The following NUDC variants were observed in gnomAD, a reference collection of about 807,000 sequenced individuals.
NUDC encodes nuclear distribution C, dynein complex regulator, also known as nuclear migration protein nudC.
A neutral mutation model predicts 45.0 loss-of-function variants in NUDC; 14 were observed. The ratio of observed to expected loss-of-function variants is 0.31; its 90% confidence interval spans 0.21 to 0.49. The LOEUF (loss-of-function observed/expected upper bound fraction) is 0.49, where lower values mean the gene tolerates loss of function less well. NUDC is among the 20% of genes least tolerant of loss of function. The probability of loss-of-function intolerance (pLI) is 0.99; values close to 1 mark genes in which losing one functional copy is unlikely to be tolerated. For synonymous variants in NUDC, 153 were observed against 156.7 expected, an observed-to-expected ratio of 0.98 and a Z score of 0.17; for missense variants, 323 against 426.2, an observed-to-expected ratio of 0.76 and a Z score of 2.13.
At chr1:26,927,154 G>T (rs1336662854) in intron 2 of NUDC, among the ~76,000 whole-genome samples, 1 of 150,754 alleles carries the variant, frequency 6.6e-6, no homozygotes, top group East Asian at 1.9e-4. Context: ...AGATATGAAG[G>T]ATGAATAGCT....
At chr1:26,900,312 A>T in exon 1 of NUDC, 1 of 1,614,010 alleles carries the variant, frequency 6.2e-7, no homozygotes, top group Non-Finnish European at 8.5e-7. Context: ...GAAACAGAGG[A>T]AGCCACCGCC....
chr1:26,900,248 G>C, exon 1 of NUDC: 4 of 1,614,140 alleles, frequency 2.5e-6, no homozygotes, highest in Non-Finnish European at 3.4e-6. Flanking sequence ...TAGGAATTAG[G>C]GCAGAGTTAG....
chr1:26,933,396 A>G (rs1431191630), intron 2 of NUDC, among the ~76,000 whole-genome samples: 1 of 151,964 alleles, frequency 6.6e-6, no homozygotes, highest in Non-Finnish European at 1.5e-5. Context: ...CTATTGGATC[A>G]TATGGTAGTT....
intron 2 of NUDC, among the ~76,000 whole-genome samples, chr1:26,932,538 G>A (rs918290829): frequency 1.4e-4 from 21 of 151,930 alleles, no homozygotes; most frequent in African/African-American, 5.1e-4. Flanking sequence ...TCCCAGGCTG[G>A]TCTCTAACTC....
chr1:26,924,917 G>C (rs1262748455), intron 2 of NUDC, among the ~76,000 whole-genome samples: 7 of 151,400 alleles, frequency 4.6e-5, no homozygotes, highest in Admixed American at 3.9e-4. Context: ...GTCTCATTCT[G>C]TTGCGCAGGC....
At chr1:26,910,269 C>T (rs1362609601) in intron 2 of NUDC, among the ~76,000 whole-genome samples, 1 of 152,082 alleles carries the variant, frequency 6.6e-6, no homozygotes, top group Non-Finnish European at 1.5e-5. Flanking sequence ...TTTTATGCGT[C>T]TGTGTAGGTG....
chr1:26,945,469 C>G lies in NUDC; in HGVS notation c.821C>G (p.Ser274Cys). Reference sequence around the variant, plus strand: ...ACCAAGAAGATTAACCCTGAGAATTCCAAGGTGAGCCCTGGCTGGTTGGGG... The same window carrying G: ...ACCAAGAAGATTAACCCTGAGAATTGCAAGGTGAGCCCTGGCTGGTTGGGG... ...INTKKINPEN[S>C]KLSDLDSETR... The change falls in exon 7 of 9, where the codon TCC (serine) becomes TGC (cysteine). Residue 274 changes from serine (S) to cysteine (C), a missense_variant. Physicochemically the swap from Ser to Cys is moderately radical, Grantham distance 112 (BLOSUM62 -1). This residue lies in a region of NUDC where 54 missense variants were observed against 100.2 expected (regional missense o/e 0.54). Transcript: ENST00000321265. 6.2e-7 allele frequency: 1 copy of G among 1,614,044 alleles called. No homozygotes were observed. The highest frequency in any genetic ancestry group is 2.2e-5 in the East Asian group (1 of 44,874).
intron 2 of NUDC, among the ~76,000 whole-genome samples, chr1:26,936,687 T>A (rs1215071950): frequency 6.6e-6 from 1 of 152,262 alleles, no homozygotes; most frequent in East Asian, 1.9e-4. Flanking sequence ...AAGAGACCTC[T>A]TTTTTCCTTG....
chr1:26,914,396 G>T (rs1421838334), intron 3 of NUDC, among the ~76,000 whole-genome samples: 1 of 152,192 alleles, frequency 6.6e-6, no homozygotes, highest in African/African-American at 2.4e-5. Context: ...GGCCTTGAAT[G>T]CAAGGCCCAA....
intron 6 of NUDC, among the ~76,000 whole-genome samples, chr1:26,944,473 C>T (rs929830790): frequency 1.3e-5 from 2 of 152,074 alleles, no homozygotes; most frequent in African/African-American, 4.8e-5. Context: ...GTTGGGATTA[C>T]AGGTAGGAGC....
intron 2 of NUDC, 99 bp from the exon 3 acceptor site, chr1:26,941,358 T>G (rs907794712): frequency 1.1e-4 from 137 of 1,258,218 alleles, no homozygotes; most frequent in Middle Eastern, 7.6e-4. Flanking sequence ...GGTGCAGTGC[T>G]TTGCCCTTGC....
At chr1:26,900,892 C>G (rs541437265) in intron 1 of NUDC, among the ~76,000 whole-genome samples, 10 of 152,226 alleles carry the variant, frequency 6.6e-5, no homozygotes, top group African/African-American at 1.9e-4. Context: ...AGAGGAAACA[C>G]GCAGGTCCAA....
At chr1:26,941,351 G>A (rs981999831) in intron 2 of NUDC, 106 bp from the exon 3 acceptor site, 4 of 1,119,500 alleles carry the variant, frequency 3.6e-6, no homozygotes, top group South Asian at 1.3e-5. Context: ...GTTTCTGGGT[G>A]CAGTGCTTTG....
At chr1:26,900,599 C>A in intron 1 of NUDC, 1 of 649,182 alleles carries the variant, frequency 1.5e-6, no homozygotes, top group Non-Finnish European at 2.6e-6. Flanking sequence ...TTCTGTGTTC[C>A]TTTCCCACAG....
intron 3 of NUDC, among the ~76,000 whole-genome samples, chr1:26,912,305 G>C (rs2082032950): frequency 6.6e-6 from 1 of 152,098 alleles, no homozygotes; most frequent in Admixed American, 6.6e-5. Context: ...TGGAGTAATG[G>C]TTAAGAATTA....
At chr1:26,910,207 C>G (rs2124062802) in intron 2 of NUDC, among the ~76,000 whole-genome samples, 1 of 152,238 alleles carries the variant, frequency 6.6e-6, no homozygotes, top group Admixed American at 6.5e-5. Context: ...TGCTGAGTGA[C>G]TGTATCTGGG....
rs772114445 is a variant in NUDC at position 26,941,085 on chromosome 1, C to CTT, written c.160-348_160-347dup. On this transcript the variant is annotated intron_variant, in intron 2 of 8. Coordinates refer to ENST00000321265, the MANE Select transcript of NUDC (RefSeq NM_006600.4). Reference sequence around the variant, plus strand: ...TACAGGCCCCCGCCACCATGCCCAGCTTTTTTTTTTTTTTTTTTTTTTTTT... The same window carrying CTT: ...TACAGGCCCCCGCCACCATGCCCAGCTTTTTTTTTTTTTTTTTTTTTTTTTTT... Among the ~76,000 whole-genome samples the CTT allele has an allele frequency of 3.8e-3, 347 of 91,374 alleles. 2 individuals are homozygous for CTT. Among genetic ancestry groups the CTT allele is most frequent in the African/African-American group, 5.4e-3 (117 of 21,526 alleles). 59.9% of individuals were successfully genotyped at this position (91,374 alleles called of 152,430 possible). A position where few individuals can be genotyped will look rare whatever the true frequency, so the allele number is the denominator to read the frequency against.
intron 2 of NUDC, among the ~76,000 whole-genome samples, chr1:26,938,715 G>A (rs1252726625): frequency 2.6e-5 from 4 of 152,170 alleles, no homozygotes; most frequent in Non-Finnish European, 4.4e-5. Context: ...CTGTGACCTT[G>A]AGCCCCTGCA....
chr1:26,924,903 T>C (rs1182226459), intron 2 of NUDC, among the ~76,000 whole-genome samples: 1 of 151,264 alleles, frequency 6.6e-6, no homozygotes, highest in Non-Finnish European at 1.5e-5. Flanking sequence ...TTTTTTGAAA[T>C]GGAGTCTCAT....
Sources: allele counts gnomAD v4.1 joint callset (sites outside exome capture counted in the v4.1 genomes callset), GRCh38; gene constraint gnomAD v4.1.1; regional missense constraint gnomAD v4.1.1; transcripts MANE v1.5; gene names NCBI Gene and HGNC (gene_info 2026-07-23, HGNC 2026-07-21).